FAM117B: variants seen among roughly 807,000 people sequenced by gnomAD.
The protein encoded by FAM117B is protein FAM117B.
In FAM117B, 22 loss-of-function variants were observed where a neutral mutation model predicts 52.8. The observed-to-expected ratio is 0.42, with a 90% confidence interval of 0.30 to 0.59. FAM117B has a LOEUF of 0.59. Ranked by LOEUF, FAM117B falls within the 20% of genes least tolerant of loss-of-function variation. The pLI, the probability that FAM117B is intolerant of heterozygous loss-of-function variation, is 0.22. For missense variants in FAM117B, 678 were observed against 802.6 expected (o/e 0.84, Z 1.88); for synonymous variants, 309 against 324.1 (o/e 0.95, Z 0.50).
chr2:202,637,500 G>A lies in FAM117B; in HGVS notation c.601+1712G>A, dbSNP rs191635208. On this transcript the variant is annotated intron_variant, in intron 1 of 7. Coordinates refer to ENST00000392238, the MANE Select transcript of FAM117B (RefSeq NM_173511.4). ...TGGAACTCCTGACCTTATGTGATCT[G>A]CCCGCCTTGGCCTCCCAAAGTGCTA... is the stretch of plus-strand genomic sequence containing the variant. Among the ~76,000 whole-genome samples the A allele has an allele frequency of 2.6e-3, 390 of 152,234 alleles. 2 individuals are homozygous for A. Among genetic ancestry groups the A allele is most frequent in the South Asian group, 1.0e-2 (48 of 4,820 alleles).
chr2:202,755,708 T>G, intron 5 of FAM117B, 27 bp downstream of exon 5: 1 of 1,591,696 alleles, frequency 6.3e-7, no homozygotes, highest in Non-Finnish European at 8.6e-7. Context: ...CTTAAAATCA[T>G]TCTTGAACTC....
chr2:202,649,041 C>T (rs976919375), intron 1 of FAM117B, among the ~76,000 whole-genome samples: 20 of 152,286 alleles, frequency 1.3e-4, no homozygotes, highest in African/African-American at 4.1e-4. Context: ...CATGAGCCAC[C>T]GTGCCCGGCT....
chr2:202,737,898 G>C (rs1022079413), intron 4 of FAM117B, among the ~76,000 whole-genome samples: 2 of 151,920 alleles, frequency 1.3e-5, no homozygotes, highest in South Asian at 2.1e-4. Context: ...CACTGTGCCC[G>C]GCCAGTTTAT....
In FAM117B at chr2:202,740,173, CCA is replaced by C. The variant is rs1491511317; in HGVS notation, c.960+13811_960+13812del. ...GGAGGACAGAGCGAGACTTCATCCC[CCA>C]AAAAAAAAAAAAAAAAAAAAAAAAA... On this transcript the variant is annotated intron_variant, in intron 4 of 7. Transcript: ENST00000392238. Among the ~76,000 whole-genome samples, 50 of 69,682 alleles carry C rather than the reference CCA, an allele frequency of 7.2e-4. 6 individuals are homozygous for C. The highest frequency in any genetic ancestry group is 2.5e-3 in the African/African-American group (44 of 17,468). The allele number at this position is 69,682 out of a possible 152,430, so 45.7% of individuals were successfully genotyped here. A position where few individuals can be genotyped will look rare whatever the true frequency, so the allele number is the denominator to read the frequency against.
chr2:202,718,015 C>G (rs1031826623), intron 2 of FAM117B, among the ~76,000 whole-genome samples: 5 of 152,178 alleles, frequency 3.3e-5, no homozygotes, highest in African/African-American at 1.2e-4. Flanking sequence ...CCTTCCCACT[C>G]TTTCCTCCCT....
At chr2:202,696,277 G>A (rs920755231) in intron 2 of FAM117B, among the ~76,000 whole-genome samples, 1 of 152,084 alleles carries the variant, frequency 6.6e-6, no homozygotes, top group Non-Finnish European at 1.5e-5. Context: ...ATAATTTATG[G>A]ACATACTTTT....
chr2:202,635,263 G>A lies in FAM117B; in HGVS notation c.76G>A (p.Gly26Arg). The change falls in exon 1 of 8, where the codon GGG becomes AGG. Residue 26 changes from glycine (G) to arginine (R), a missense_variant. By Grantham distance (125) the Gly-to-Arg change is moderately radical. Around this residue, in one of 3 missense-constraint regions of FAM117B, gnomAD observed 583 missense variants for 644.8 expected, o/e 0.90. Transcript: ENST00000392238. ...SLGGGAVATA[G>R]GPGSRLQPMR... Reference sequence around the variant, plus strand: ...TGGGGGTGGTGCGGTGGCCACGGCCGGGGGACCCGGGAGCCGCTTGCAGCC... The same window carrying A: ...TGGGGGTGGTGCGGTGGCCACGGCCAGGGGACCCGGGAGCCGCTTGCAGCC... 1 of 1,383,594 alleles carries A rather than the reference G, an allele frequency of 7.2e-7. No homozygotes were observed. Among genetic ancestry groups the A allele is most frequent in the Non-Finnish European group, 9.4e-7 (1 of 1,066,408 alleles). The allele number at this position is 1,383,594 out of a possible 1,614,324, so 85.7% of individuals were successfully genotyped here. A position where few individuals can be genotyped will look rare whatever the true frequency, so the allele number is the denominator to read the frequency against.
At chr2:202,764,592 G>A (rs1046938229) in intron 7 of FAM117B, among the ~76,000 whole-genome samples, 2 of 152,264 alleles carry the variant, frequency 1.3e-5, no homozygotes, top group Admixed American at 6.5e-5. Context: ...TATTGTCATT[G>A]GAAGAGATGA....
At chr2:202,749,881 C>T (rs187741289) in intron 4 of FAM117B, among the ~76,000 whole-genome samples, 2 of 152,148 alleles carry the variant, frequency 1.3e-5, no homozygotes. Flanking sequence ...ATATCTCTGG[C>T]TTATGTTTAA....
At chr2:202,723,495 C>G (rs889315007) in intron 2 of FAM117B, among the ~76,000 whole-genome samples, 2 of 152,110 alleles carry the variant, frequency 1.3e-5, no homozygotes, top group African/African-American at 4.8e-5. Context: ...TTTTAGCAGT[C>G]CCATATAAAG....
chr2:202,742,108 A>G (rs1691552323), intron 4 of FAM117B, among the ~76,000 whole-genome samples: 1 of 152,236 alleles, frequency 6.6e-6, no homozygotes, highest in Non-Finnish European at 1.5e-5. Flanking sequence ...AATACTTTCT[A>G]ATTTAATTTA....
Position 202,663,580 on chromosome 2 carries a change from C to CTTT in FAM117B, c.601+27805_601+27807dup, listed in dbSNP as rs11368989. ...CATTCGATATTCAGTCACATTAAGCCTTTTTTTTTTTTTTTCTTTTGAGAC... is the reference window on the plus strand; with the variant it reads ...CATTCGATATTCAGTCACATTAAGCCTTTTTTTTTTTTTTTTTTCTTTTGAGAC... On this transcript the variant is annotated intron_variant, in intron 1 of 7. Transcript: ENST00000392238. Among the ~76,000 whole-genome samples the CTTT allele has an allele frequency of 8.4e-3, 1,162 of 138,926 alleles. 24 individuals carry two copies. Among genetic ancestry groups the CTTT allele is most frequent in the African/African-American group, 0.028 (1,055 of 37,426 alleles). 91.1% of individuals were successfully genotyped at this position (138,926 alleles called of 152,430 possible).
In FAM117B at chr2:202,765,684, G is replaced by C; in HGVS notation, c.1690G>C (p.Val564Leu). 1 of 1,614,112 alleles carries C rather than the reference G, an allele frequency of 6.2e-7. No individual in the cohort carries two copies. The highest frequency in any genetic ancestry group is 8.5e-7 in the Non-Finnish European group (1 of 1,180,036). The change falls in exon 8 of 8, where the codon GTC becomes CTC. Residue 564 changes from valine (V) to leucine (L), a missense_variant. By Grantham distance (32) the Val-to-Leu change is conservative. This residue lies in a region of FAM117B where 68 missense variants were observed against 80.6 expected (regional missense o/e 0.84). Coordinates refer to ENST00000392238, the MANE Select transcript of FAM117B (RefSeq NM_173511.4). ...GTCTACAAACACAGAGCAAGACCGA[G>C]TCTCTCGAGGAACAAGTACAGTCAT... ...SLSTNTEQDR[V>L]SRGTSTVMPS...
In FAM117B at chr2:202,755,654, G is replaced by T; in HGVS notation, c.1077G>T (p.Glu359Asp). The change falls in exon 5 of 8, where the codon GAG becomes GAT. Residue 359 changes from glutamate to aspartate, a missense_variant. This residue lies in a region of FAM117B where 583 missense variants were observed against 644.8 expected (regional missense o/e 0.90). Transcript: ENST00000392238. ...LNQEIEIIIK[E>D]TGEKEEQLIP... ...AGGAGATTGAAATAATAATTAAAGA[G>T]ACTGGGGAAAAGGAAGAGCAACTTA... The T allele has an allele frequency of 6.2e-7, 1 of 1,613,668 alleles. No individual in the cohort carries two copies. The highest frequency in any genetic ancestry group is 8.5e-7 in the Non-Finnish European group (1 of 1,179,824).
Position 202,765,653 on chromosome 2 carries a change from C to T in FAM117B, c.1659C>T (p.Ala553=), listed in dbSNP as rs564572376. The change falls in exon 8 of 8, where the codon GCC becomes GCT. Residue 553 remains alanine, a synonymous_variant. Transcript: ENST00000392238. ...CTCTGCTGCAGCCTATTGCTGTGGC[C>T]TCCCTGTCTACAAACACAGAGCAAG... is the stretch of plus-strand genomic sequence containing the variant. ...TTTLLQPIAV[A]SLSTNTEQDR... 11 of 1,614,160 alleles carry T rather than the reference C, an allele frequency of 6.8e-6. No homozygotes were observed. In the African/African-American group the frequency reaches 1.1e-4, roughly 16 times the overall value.
intron 4 of FAM117B, among the ~76,000 whole-genome samples, chr2:202,728,825 A>G (rs553728667): frequency 6.6e-6 from 1 of 152,318 alleles, no homozygotes; most frequent in South Asian, 2.1e-4. Context: ...ATTGGAATTT[A>G]CTTGAAATTT....
chr2:202,713,389 T>C (rs1257807345), intron 2 of FAM117B, among the ~76,000 whole-genome samples: 1 of 152,214 alleles, frequency 6.6e-6, no homozygotes, highest in African/African-American at 2.4e-5. Context: ...CTTTTCCCTC[T>C]CTGATTTTAT....
At chr2:202,675,187 C>T (rs1230819056) in intron 1 of FAM117B, among the ~76,000 whole-genome samples, 2 of 151,590 alleles carry the variant, frequency 1.3e-5, no homozygotes, top group African/African-American at 4.8e-5. Flanking sequence ...ATGAGTGCCA[C>T]TACACTCCAG....
At chr2:202,758,779 G>C (rs1026896575) in intron 6 of FAM117B, among the ~76,000 whole-genome samples, 1 of 151,914 alleles carries the variant, frequency 6.6e-6, no homozygotes, top group Non-Finnish European at 1.5e-5. Flanking sequence ...GAAATTCATA[G>C]GCAAAAAAAA....
Sources: gnomAD v4.1 joint callset for allele counts (sites outside exome capture counted in the v4.1 genomes callset) on GRCh38, gnomAD v4.1.1 for gene constraint, gnomAD v4.1.1 regional missense constraint, MANE v1.5 for transcripts, NCBI Gene and HGNC (gene_info 2026-07-23, HGNC 2026-07-21) for gene names.